Variants in PCNX2 observed in about 807,000 individuals in gnomAD.
PCNX2 encodes the protein pecanex 2.
In PCNX2, 168 loss-of-function variants were observed where a neutral mutation model predicts 223.8. That is an observed-to-expected ratio of 0.75 (90% CI 0.66 to 0.85). The LOEUF (loss-of-function observed/expected upper bound fraction) is 0.85, where lower values mean the gene tolerates loss of function less well. Ranked by LOEUF, PCNX2 falls within the 40% of genes least tolerant of loss-of-function variation. The pLI is 0.00. For synonymous variants in PCNX2, 1,006 were observed against 1,052.6 expected, an observed-to-expected ratio of 0.96 and a Z score of 0.86; for missense variants, 2,507 against 2,675.5, an observed-to-expected ratio of 0.94 and a Z score of 1.39.
At chr1:233,122,936 G>C (rs1403506178) in intron 21 of PCNX2, among the ~76,000 whole-genome samples, 1 of 152,140 alleles carries the variant, frequency 6.6e-6, no homozygotes, top group African/African-American at 2.4e-5. Context: ...TCCCAGTTGA[G>C]GGACAGTCTA....
At chr1:233,326,800 C>A in the PCNX2 span, among the ~76,000 whole-genome samples, 1 of 152,190 alleles carries the variant, frequency 6.6e-6, no homozygotes, top group East Asian at 1.9e-4. Context: ...ATCTTTTTAG[C>A]CTCATCACCT....
At chr1:233,008,540 T>G (rs1321401173) in intron 28 of PCNX2, among the ~76,000 whole-genome samples, 1 of 152,162 alleles carries the variant, frequency 6.6e-6, no homozygotes, top group Non-Finnish European at 1.5e-5. Flanking sequence ...TTTCTTTCCA[T>G]GGGGGACCCA....
At chr1:233,069,662 G>C (rs973240134) in intron 23 of PCNX2, among the ~76,000 whole-genome samples, 4 of 150,708 alleles carry the variant, frequency 2.7e-5, no homozygotes, top group South Asian at 2.1e-4. Flanking sequence ...ACAAAAAAAA[G>C]AAAAAAGAAG....
intron 1 of PCNX2, among the ~76,000 whole-genome samples, chr1:233,279,045 T>C (rs1238094352): frequency 6.6e-6 from 1 of 152,162 alleles, no homozygotes; most frequent in African/African-American, 2.4e-5. Context: ...AATAAACCGT[T>C]TTTTCCAAAG....
intron 26 of PCNX2, among the ~76,000 whole-genome samples, chr1:233,024,343 T>C (rs929018994): frequency 1.3e-5 from 2 of 152,230 alleles, no homozygotes; most frequent in African/African-American, 2.4e-5. Context: ...GAGGGCCTTG[T>C]GGCCTCCGAC....
At chr1:233,167,136 A>G (rs55904370) in intron 17 of PCNX2, among the ~76,000 whole-genome samples, 3,523 of 152,326 alleles carry the variant, frequency 0.023, 138 homozygotes, top group African/African-American at 0.079. Context: ...TGTGGAAACA[A>G]CCTGAGTGTC....
intron 17 of PCNX2, 127 bp downstream of exon 17, chr1:233,177,675 C>T: frequency 1.4e-6 from 1 of 740,478 alleles, no homozygotes; most frequent in Non-Finnish European, 2.2e-6. Context: ...GTGCCAGGTA[C>T]CAAGCGAGGT....
Position 233,020,479 on chromosome 1 carries a change from T to A in PCNX2, c.4606-3325A>T, listed in dbSNP as rs150054320. ...ACTGTGCTGAAAGCAGGACCCCTCC[T>A]GAATAAATTCACAATATCTGGCTCC... is the stretch of plus-strand genomic sequence containing the variant. On this transcript the variant is annotated intron_variant, in intron 26 of 33. Coordinates refer to ENST00000258229, the MANE Select transcript of PCNX2 (RefSeq NM_014801.4). Among the ~76,000 whole-genome samples the A allele has an allele frequency of 1.9e-3, 297 of 152,388 alleles. 6 individuals carry two copies. Among genetic ancestry groups the A allele is most frequent in the Admixed American group, 0.013 (204 of 15,306 alleles).
chr1:233,047,341 C>T (rs892061841), intron 25 of PCNX2: 16 of 969,318 alleles, frequency 1.7e-5, no homozygotes, highest in Non-Finnish European at 1.8e-5. Flanking sequence ...GAGGAGCTGA[C>T]AGACAGAAAA....
chr1:233,165,986 G>C (rs1678769790), intron 17 of PCNX2, among the ~76,000 whole-genome samples: 1 of 151,982 alleles, frequency 6.6e-6, no homozygotes, highest in South Asian at 2.1e-4. Flanking sequence ...CAGTAACTAT[G>C]GTATTGATGG....
chr1:233,035,290 C>G (rs578206622), intron 25 of PCNX2, among the ~76,000 whole-genome samples: 7 of 152,276 alleles, frequency 4.6e-5, no homozygotes, highest in African/African-American at 1.7e-4. Flanking sequence ...CTTTGAGAAA[C>G]AAACCGCAGT....
At chr1:233,282,525 C>T (rs1294829454) in intron 1 of PCNX2, among the ~76,000 whole-genome samples, 3 of 152,154 alleles carry the variant, frequency 2.0e-5, no homozygotes, top group Non-Finnish European at 2.9e-5. Context: ...CAGTCAGTGG[C>T]ACCTCATACG....
At chr1:233,182,292 T>C (rs1157387844) in intron 15 of PCNX2, among the ~76,000 whole-genome samples, 1 of 152,236 alleles carries the variant, frequency 6.6e-6, no homozygotes, top group African/African-American at 2.4e-5. Flanking sequence ...CTCCTGATCC[T>C]TGTGTGCCAT....
rs748780034 is a variant in PCNX2 at position 233,258,267 on chromosome 1, C to T, written c.1595G>A (p.Ser532Asn). Residue 532 changes from serine to asparagine, a missense_variant, in exon 5 of 34, where the codon AGT becomes AAT. Coordinates refer to ENST00000258229, the MANE Select transcript of PCNX2 (RefSeq NM_014801.4). ...SHEKRHARVL[S>N]VDSGTDVFLS... ...GAAGACATCTGTCCCACTGTCCACA[C>T]TGAGCACCCGGGCATGCCTCTTTTC... 1 of 1,614,036 alleles carries T rather than the reference C, an allele frequency of 6.2e-7. No homozygotes were observed. Among genetic ancestry groups the T allele is most frequent in the Non-Finnish European group, 8.5e-7 (1 of 1,179,892 alleles).
rs747038851 is a variant in PCNX2 at position 232,990,612 on chromosome 1, T to G, written c.5792-4072A>C. Reference sequence around the variant, plus strand: ...CCAGGAGGGGTAACCATCCACTCATTCGTCCAACCTTTGTCTGCTGAGCCC... The same window carrying G: ...CCAGGAGGGGTAACCATCCACTCATGCGTCCAACCTTTGTCTGCTGAGCCC... On this transcript the variant is annotated intron_variant, in intron 32 of 33. Coordinates refer to ENST00000258229, the MANE Select transcript of PCNX2 (RefSeq NM_014801.4). This position sits in a 1 kb window ranked among gnomAD's most constrained non-coding sequence, Gnocchi z 4.3. Among the ~76,000 whole-genome samples the G allele has an allele frequency of 1.6e-4, 25 of 152,130 alleles. No individual in the cohort carries two copies. The highest frequency in any genetic ancestry group is 1.9e-4 in the Non-Finnish European group (13 of 68,018).
At chr1:233,152,781 C>T (rs986184902) in intron 19 of PCNX2, among the ~76,000 whole-genome samples, 10 of 152,170 alleles carry the variant, frequency 6.6e-5, no homozygotes, top group Non-Finnish European at 1.3e-4. Context: ...TCAGGTGAAA[C>T]TGATGAGACT....
intron 9 of PCNX2, among the ~76,000 whole-genome samples, chr1:233,233,224 TAGTGAC>T (rs1248822285): frequency 6.6e-6 from 1 of 152,148 alleles, no homozygotes; most frequent in African/African-American, 2.4e-5. Context: ...TGGATAAACT[TAGTGAC>T]AGAGAAGTAC....
chr1:233,167,149 T>C (rs4649289), intron 17 of PCNX2, among the ~76,000 whole-genome samples: 11,942 of 152,200 alleles, frequency 0.078, 680 homozygotes, highest in East Asian at 0.31. Context: ...TGAGTGTCTG[T>C]CAACAGATAA....
At chr1:233,024,461 C>T (rs1270411651) in intron 26 of PCNX2, among the ~76,000 whole-genome samples, 2 of 152,110 alleles carry the variant, frequency 1.3e-5, no homozygotes, top group African/African-American at 2.4e-5. Flanking sequence ...GGACCCACAG[C>T]GAAGATTTCC....
Sources: gnomAD v4.1 joint callset for allele counts (sites outside exome capture counted in the v4.1 genomes callset) on GRCh38, gnomAD v4.1.1 for gene constraint, Gnocchi (gnomAD v3.1) non-coding constraint, MANE v1.5 for transcripts, NCBI Gene and HGNC (gene_info 2026-07-23, HGNC 2026-07-21) for gene names.